TMEM181: variants seen among roughly 807,000 people sequenced by gnomAD.
TMEM181 encodes transmembrane protein 181.
A neutral mutation model predicts 71.9 loss-of-function variants in TMEM181; 39 were observed. That is an observed-to-expected ratio of 0.54 (90% CI 0.42 to 0.71). The LOEUF is 0.71. Ranked by LOEUF, TMEM181 falls within the 30% of genes least tolerant of loss-of-function variation. The pLI is 0.00. For missense variants in TMEM181, 595 were observed against 583.0 expected (o/e 1.02, Z -0.21); for synonymous variants, 245 against 228.8 (o/e 1.07, Z -0.64).
At chr6:158,605,131 A>AGTGGGTGTGT in intron 6 of TMEM181, 136 bp from the exon 7 acceptor site, 1 of 159,682 alleles carries the variant, frequency 6.3e-6, no homozygotes, top group Non-Finnish European at 1.2e-5. Flanking sequence ...AAAAAAAAAA[A>AGTGGGTGTGT]GTGTGTGTGT....
At chr6:158,611,496 T>A (rs1583032477) in intron 10 of TMEM181, 1 of 521,822 alleles carries the variant, frequency 1.9e-6, no homozygotes, top group East Asian at 5.4e-5. Flanking sequence ...ACTCTCAGCT[T>A]CAGTTGCAAA....
upstream of TMEM181, among the ~76,000 whole-genome samples, chr6:158,557,502 G>T (rs1313670849): frequency 1.1e-5 from 1 of 93,088 alleles, no homozygotes; most frequent in African/African-American, 5.1e-5. Flanking sequence ...TATCACAGCT[G>T]TAATTATTTA....
intron 13 of TMEM181, among the ~76,000 whole-genome samples, chr6:158,627,600 G>A (rs1786392698): frequency 7.5e-6 from 1 of 133,592 alleles, no homozygotes; most frequent in Non-Finnish European, 1.7e-5. Flanking sequence ...GCCCCAGGCC[G>A]CAGAACAGGG....
intron 14 of TMEM181, among the ~76,000 whole-genome samples, chr6:158,629,187 C>G (rs199782107): frequency 6.6e-6 from 1 of 152,132 alleles, no homozygotes; most frequent in Non-Finnish European, 1.5e-5. Context: ...ATCCTGGGTT[C>G]TTTCTTTGGG....
chr6:158,560,255 G>A (rs1211825912), intron 1 of TMEM181, 23 bp downstream of exon 1: 1 of 984,118 alleles, frequency 1.0e-6, no homozygotes, highest in Non-Finnish European at 1.2e-6. Context: ...CCGAGCGGGC[G>A]GGCTGGCTGG....
chr6:158,565,708 C>T (rs1325700682), intron 1 of TMEM181, among the ~76,000 whole-genome samples: 1 of 152,156 alleles, frequency 6.6e-6, no homozygotes, highest in African/African-American at 2.4e-5. Flanking sequence ...CAGTGCTGGC[C>T]TCTGGGGGTG....
In TMEM181 at chr6:158,581,796, T is replaced by G. The variant is rs139624430; in HGVS notation, c.168+801T>G. On this transcript the variant is annotated intron_variant, in intron 3 of 16. Coordinates refer to ENST00000684151, the MANE Select transcript of TMEM181 (RefSeq NM_001376852.1). ...AAAAGCCTTAACTTTTTTACCACCT[T>G]TAGAGAAAAACAGAGCTTCTTTCAA... Among the ~76,000 whole-genome samples the G allele has an allele frequency of 5.9e-3, 881 of 148,708 alleles. 4 individuals are homozygous for G. Among genetic ancestry groups the G allele is most frequent in the Non-Finnish European group, 9.5e-3 (642 of 67,294 alleles).
chr6:158,536,952 C>T, intron 1 of TMEM181: 2 of 1,062,526 alleles, frequency 1.9e-6, no homozygotes, highest in Non-Finnish European at 2.3e-6. Flanking sequence ...CGGCCTTGGC[C>T]TGGTCCCGCC....
intron 3 of TMEM181, among the ~76,000 whole-genome samples, chr6:158,583,728 A>G (rs935917200): frequency 3.9e-5 from 6 of 152,186 alleles, no homozygotes; most frequent in Admixed American, 6.5e-5. Context: ...TGAACCCAGG[A>G]GGCAGAGCTT....
chr6:158,548,712 G>T (rs999899156), intron 1 of TMEM181, among the ~76,000 whole-genome samples: 1 of 152,242 alleles, frequency 6.6e-6, no homozygotes, highest in Non-Finnish European at 1.5e-5. Context: ...CAACACACAG[G>T]GGCTTGGTGT....
chr6:158,598,434 A>G (rs926864673), intron 6 of TMEM181, among the ~76,000 whole-genome samples: 1 of 151,836 alleles, frequency 6.6e-6, no homozygotes, highest in Non-Finnish European at 1.5e-5. Flanking sequence ...TCAGGCTCCT[A>G]CCTGAGGCTG....
rs778410495 is a variant in TMEM181 at position 158,625,133 on chromosome 6, A to G, written c.984A>G (p.Ala328=). 1.9e-6 allele frequency: 3 copies of G among 1,614,176 alleles called. No individual in the cohort carries two copies. The highest frequency in any genetic ancestry group is 1.3e-5 in the African/African-American group (1 of 75,048). Residue 328 remains alanine, a synonymous_variant, in exon 12 of 17, where the codon GCA becomes GCG. Transcript: ENST00000684151. ...QGMKVFFMVV[A]AVYILYLLFL... ...TGAAGGTCTTCTTCATGGTGGTGGC[A>G]GCGGTGTACATTCTGTACCTCTTGT...
In TMEM181 at chr6:158,571,549, T is replaced by C. The variant is rs1231197480; in HGVS notation, c.9-1871T>C. Among the ~76,000 whole-genome samples the C allele has an allele frequency of 1.3e-5, 2 of 148,476 alleles. 1 individual carries two copies. The highest frequency in any genetic ancestry group is 3.0e-5 in the Non-Finnish European group (2 of 66,696). The stretch of plus-strand genomic sequence containing the variant: ...TCCTGACCTCGTGATCCGCCCGCCT[T>C]GGCCTCCCAAAGTGCTGGGATTATA... On this transcript the variant is annotated intron_variant, in intron 1 of 16. Coordinates refer to ENST00000684151, the MANE Select transcript of TMEM181 (RefSeq NM_001376852.1).
At chr6:158,613,742 C>T (rs777250817) in intron 10 of TMEM181, among the ~76,000 whole-genome samples, 8 of 152,180 alleles carry the variant, frequency 5.3e-5, no homozygotes, top group East Asian at 3.8e-4. Flanking sequence ...ATATTCTTAC[C>T]GCACTGATGC....
At chr6:158,572,811 T>C (rs955704251) in intron 1 of TMEM181, among the ~76,000 whole-genome samples, 2 of 151,862 alleles carry the variant, frequency 1.3e-5, no homozygotes, top group Admixed American at 6.6e-5. Context: ...CCGTGTTGGG[T>C]GGCACAAGGG....
At chr6:158,587,490 C>T (rs1404370966) in intron 5 of TMEM181, among the ~76,000 whole-genome samples, 1 of 151,982 alleles carries the variant, frequency 6.6e-6, no homozygotes, top group Non-Finnish European at 1.5e-5. Flanking sequence ...TTACCACCCT[C>T]TTATATTACT....
At chr6:158,568,714 G>T (rs900493469) in intron 1 of TMEM181, among the ~76,000 whole-genome samples, 8 of 152,214 alleles carry the variant, frequency 5.3e-5, no homozygotes, top group Non-Finnish European at 1.0e-4. Context: ...GCAGGAGGCA[G>T]AGCTGCCAGT....
At chr6:158,563,729 A>G (rs894120) in intron 1 of TMEM181, among the ~76,000 whole-genome samples, 94,527 of 152,176 alleles carry the variant, frequency 0.62, 30,370 homozygotes, top group African/African-American at 0.78. Context: ...TGAACTCACC[A>G]GTCCTTGGGT....
At chr6:158,560,559 C>T (rs926328940) in intron 1 of TMEM181, among the ~76,000 whole-genome samples, 13 of 152,276 alleles carry the variant, frequency 8.5e-5, no homozygotes, top group African/African-American at 2.9e-4. Context: ...GCGGCCCTTC[C>T]CCGGCGTAGG....
Sources: gnomAD v4.1 joint callset for allele counts (sites outside exome capture counted in the v4.1 genomes callset) on GRCh38, gnomAD v4.1.1 for gene constraint, MANE v1.5 for transcripts, NCBI Gene and HGNC (gene_info 2026-07-23, HGNC 2026-07-21) for gene names.